Variants in PPIP5K2 observed in about 807,000 individuals in gnomAD.
PPIP5K2 encodes diphosphoinositol pentakisphosphate kinase 2.
Under a neutral mutation model 154.6 loss-of-function variants are expected in PPIP5K2, and 105 were observed. That is an observed-to-expected ratio of 0.68 (90% CI 0.58 to 0.80). PPIP5K2 has a LOEUF of 0.80. PPIP5K2 is among the 30% of genes least tolerant of loss of function. The pLI, the probability that PPIP5K2 is intolerant of heterozygous loss-of-function variation, is 0.00. For synonymous variants in PPIP5K2, 480 were observed against 490.3 expected, an observed-to-expected ratio of 0.98 and a Z score of 0.28; for missense variants, 992 against 1,504.6, an observed-to-expected ratio of 0.66 and a Z score of 5.64.
intron 21 of PPIP5K2, chr5:103,176,865 G>T (rs1554221102): frequency 7.0e-7 from 1 of 1,420,198 alleles, no homozygotes. Context: ...CATGTTTAAA[G>T]ACCAATGATT....
rs1554221129 is a variant in PPIP5K2 at position 103,176,900 on chromosome 5, T to C, written c.2530-767T>C. 3 of 1,450,226 alleles carry C rather than the reference T, an allele frequency of 2.1e-6. No homozygotes were observed. In the Admixed American group the frequency reaches 6.1e-5, roughly 29 times the overall value. 89.8% of individuals were successfully genotyped at this position (1,450,226 alleles called of 1,614,324 possible). On this transcript the variant is annotated intron_variant, in intron 21 of 30. Coordinates refer to ENST00000358359, the MANE Select transcript of PPIP5K2 (RefSeq NM_001276277.3). ...TCTCAGAATGAAGATGGAGGAATGG[T>C]GAAGGAGATGGTAAGATCAATAGAA...
At chr5:103,195,668 T>C (rs753553415) in intron 30 of PPIP5K2, among the ~76,000 whole-genome samples, 1 of 152,206 alleles carries the variant, frequency 6.6e-6, no homozygotes, top group Non-Finnish European at 1.5e-5. Flanking sequence ...ATTCCTCTAC[T>C]TTTCTTGTTT....
Position 103,207,383 on chromosome 5 carries a change from A to T in PPIP5K2, c.*5749A>T, listed in dbSNP as rs1236877567. On this transcript the variant is annotated 3_prime_UTR_variant, in exon 31 of 31. Transcript: ENST00000358359. The stretch of plus-strand genomic sequence containing the variant: ...AAGAACCACTGCCCTAAAGCACATG[A>T]TTCTGTGGAAAAGAAGGATATATGA... 1 of 152,160 alleles carries T rather than the reference A, an allele frequency of 6.6e-6. No individual in the cohort carries two copies. Among genetic ancestry groups the T allele is most frequent in the Non-Finnish European group, 1.5e-5 (1 of 68,026 alleles). 9.4% of individuals were successfully genotyped at this position (152,160 alleles called of 1,614,324 possible). A position where few individuals can be genotyped will look rare whatever the true frequency, so the allele number is the denominator to read the frequency against.
chr5:103,155,288 C>T (rs1213560305), intron 13 of PPIP5K2, among the ~76,000 whole-genome samples: 1 of 151,644 alleles, frequency 6.6e-6, no homozygotes, highest in Non-Finnish European at 1.5e-5. Flanking sequence ...TGGATACCCA[C>T]CAATATTCCT....
intron 5 of PPIP5K2, among the ~76,000 whole-genome samples, chr5:103,140,398 G>A (rs1254981907): frequency 6.6e-6 from 1 of 152,118 alleles, no homozygotes; most frequent in Non-Finnish European, 1.5e-5. Flanking sequence ...GATCCTTAAA[G>A]CACCCAGAGA....
At chr5:103,191,198 A>C (rs1801179676) in intron 29 of PPIP5K2, 1 of 380,814 alleles carries the variant, frequency 2.6e-6, no homozygotes, top group Non-Finnish European at 4.6e-6. Flanking sequence ...ACCAAAAAAA[A>C]ACAAAAAACA....
intron 1 of PPIP5K2, among the ~76,000 whole-genome samples, chr5:103,127,436 G>C (rs1160645355): frequency 1.3e-5 from 2 of 152,192 alleles, no homozygotes; most frequent in East Asian, 1.9e-4. Context: ...TTAAGGAAAA[G>C]AGCCATGTTT....
intron 11 of PPIP5K2, 138 bp downstream of exon 11, chr5:103,154,072 G>A: frequency 3.6e-6 from 2 of 555,626 alleles, no homozygotes; most frequent in South Asian, 2.7e-5. Context: ...TAAACCAGTG[G>A]GTGGGTACAA....
At chr5:103,184,601 C>A in intron 25 of PPIP5K2, 71 bp from the exon 26 acceptor site, 1 of 1,127,870 alleles carries the variant, frequency 8.9e-7, no homozygotes, top group South Asian at 1.3e-5. Context: ...CTGGAACAGG[C>A]TGCATATGAA....
At chr5:103,132,972 C>A (rs543137659) in intron 2 of PPIP5K2, among the ~76,000 whole-genome samples, 10 of 152,302 alleles carry the variant, frequency 6.6e-5, no homozygotes, top group African/African-American at 1.7e-4. Flanking sequence ...TTAAAATTTT[C>A]TTCCAAGTTG....
At chr5:103,183,799 T>C (rs1434920366) in intron 25 of PPIP5K2, among the ~76,000 whole-genome samples, 1 of 152,204 alleles carries the variant, frequency 6.6e-6, no homozygotes, top group African/African-American at 2.4e-5. Context: ...TCTTCCATAA[T>C]TGAAAAAATT....
chr5:103,207,320 A>T lies in PPIP5K2; in HGVS notation c.*5686A>T, dbSNP rs982672070. On this transcript the variant is annotated 3_prime_UTR_variant, in exon 31 of 31. Transcript: ENST00000358359. ...GCAGTCAAAAATGTCTCCAGACATT[A>T]GTAAATGTCTTTTGTGAGGGAAGAA... 1 of 152,234 alleles carries T rather than the reference A, an allele frequency of 6.6e-6. No individual in the cohort carries two copies. The highest frequency in any genetic ancestry group is 1.5e-5 in the Non-Finnish European group (1 of 68,038). 9.4% of individuals were successfully genotyped at this position (152,234 alleles called of 1,614,324 possible).
At chr5:103,198,302 T>A (rs1554229221) in intron 30 of PPIP5K2, among the ~76,000 whole-genome samples, 1 of 152,168 alleles carries the variant, frequency 6.6e-6, no homozygotes, top group Non-Finnish European at 1.5e-5. Flanking sequence ...CTGGAATATT[T>A]TGAATATAAT....
At position 103,177,708 on chromosome 5, in the gene PPIP5K2, A is replaced by G. The variant is rs1554221413; in HGVS notation, c.2571A>G (p.Leu857=). 2 of 1,611,982 alleles carry G rather than the reference A, an allele frequency of 1.2e-6. No homozygotes were observed. The highest frequency in any genetic ancestry group is 1.7e-5 in the Admixed American group (1 of 59,866). The part of the protein sequence containing the change: ...DEQWKRAMDY[L]NVVNELNYMT... ...AGTGGAAACGAGCTATGGATTATTT[A>G]AACGTTGTCAATGAGCTCAACTACA... is the stretch of plus-strand genomic sequence containing the variant. Residue 857 remains leucine, a synonymous_variant, in exon 22 of 31, where the codon TTA becomes TTG. Transcript: ENST00000358359.
intron 5 of PPIP5K2, among the ~76,000 whole-genome samples, chr5:103,140,945 C>T (rs1320744119): frequency 2.0e-5 from 3 of 152,008 alleles, no homozygotes; most frequent in East Asian, 3.9e-4. Context: ...ATTTTTCTGT[C>T]CTTATAGGAC....
Position 103,157,768 on chromosome 5 carries a change from C to G in PPIP5K2, c.1490-420C>G, listed in dbSNP as rs567470118. Among the ~76,000 whole-genome samples the G allele has an allele frequency of 7.5e-4, 114 of 151,760 alleles. 1 individual carries two copies. The highest frequency in any genetic ancestry group is 2.9e-3 in the East Asian group (15 of 5,166). On this transcript the variant is annotated intron_variant, in intron 14 of 30. Coordinates refer to ENST00000358359, the MANE Select transcript of PPIP5K2 (RefSeq NM_001276277.3). ...AACTAAGGTATTTTCTTTCATGGGA[C>G]AGCACTGCAAAGGGTGCTTGATAGC...
At chr5:103,148,242 A>G (rs781898488) in intron 7 of PPIP5K2, 11 of 581,806 alleles carry the variant, frequency 1.9e-5, no homozygotes, top group South Asian at 3.6e-5. Flanking sequence ...TGCTTTAAAC[A>G]TGTAAGATTA....
chr5:103,136,759 A>C lies in PPIP5K2; in HGVS notation c.338A>C (p.Tyr113Ser). 6.2e-7 allele frequency: 1 copy of C among 1,613,644 alleles called. No homozygotes were observed. Among genetic ancestry groups the C allele is most frequent in the Non-Finnish European group, 8.5e-7 (1 of 1,179,634 alleles). Reference protein sequence around the residue: ...KGFPLDKAVAYAKLRNPFVIN... With the variant: ...KGFPLDKAVASAKLRNPFVIN... ...TTTCCACTGGACAAAGCGGTTGCCT[A>C]TGCAAAACTCAGGAATCCATTTGTA... Residue 113 changes from tyrosine (Y) to serine (S), a missense_variant, in exon 4 of 31, where the codon TAT becomes TCT. Around this residue, in one of 9 missense-constraint regions of PPIP5K2, gnomAD observed 153 missense variants for 200.4 expected, o/e 0.76. Transcript: ENST00000358359.
intron 2 of PPIP5K2, among the ~76,000 whole-genome samples, chr5:103,130,186 A>AG (rs1790384705): frequency 6.6e-6 from 1 of 152,144 alleles, no homozygotes; most frequent in Non-Finnish European, 1.5e-5. Flanking sequence ...CTAGAAGGGT[A>AG]GGCTACCTAA....
Sources: gnomAD v4.1 joint callset for allele counts (sites outside exome capture counted in the v4.1 genomes callset) on GRCh38, gnomAD v4.1.1 for gene constraint, gnomAD v4.1.1 regional missense constraint, MANE v1.5 for transcripts, NCBI Gene and HGNC (gene_info 2026-07-23, HGNC 2026-07-21) for gene names.